ST6GALNAC6: variants seen among roughly 807,000 people sequenced by gnomAD.
ST6GALNAC6 encodes alpha-N-acetylgalactosaminide alpha-2,6-sialyltransferase 6.
A neutral mutation model predicts 34.3 loss-of-function variants in ST6GALNAC6; 19 were observed. The observed-to-expected ratio is 0.55, with a 90% CI of 0.39 to 0.81. ST6GALNAC6 has a LOEUF of 0.81. Ranked by LOEUF, ST6GALNAC6 falls within the 40% of genes least tolerant of loss-of-function variation. The pLI is 0.00. For missense variants in ST6GALNAC6, 377 were observed against 467.7 expected (o/e 0.81, Z 1.79); for synonymous variants, 185 against 182.1 (o/e 1.02, Z -0.13).
chr9:127,891,261 AAGAAACAGGTGGGG>A (rs1307672653), intron 4 of ST6GALNAC6, among the ~76,000 whole-genome samples: 16 of 152,206 alleles, frequency 1.1e-4, no homozygotes, highest in Admixed American at 2.0e-4. Flanking sequence ...TTCTGCCTTC[AAGAAACAGGTGGGG>A]AGACAGATAA....
chr9:127,889,010 G>A (rs1218974051), intron 5 of ST6GALNAC6, among the ~76,000 whole-genome samples: 2 of 152,184 alleles, frequency 1.3e-5, no homozygotes, highest in African/African-American at 4.8e-5. Context: ...TTATTTGCAT[G>A]TCACATGATT....
chr9:127,893,549 A>G (rs938913884), intron 4 of ST6GALNAC6, among the ~76,000 whole-genome samples: 4 of 152,106 alleles, frequency 2.6e-5, no homozygotes, highest in Admixed American at 2.6e-4. Flanking sequence ...TTACTCCAAG[A>G]TCCAGCAACA....
upstream of ST6GALNAC6, among the ~76,000 whole-genome samples, chr9:127,900,991 C>CAAAAAAAAAAAAAAAAAAAAAAAAAAAA (rs56673204): frequency 3.3e-5 from 2 of 60,986 alleles, no homozygotes; most frequent in African/African-American, 1.4e-4. Context: ...AACTCCCTAT[C>CAAAAAAAAAAAAAAAAAAAAAAAAAAAA]AAAAAAAAAA....
chr9:127,905,927 G>A (rs969038417), upstream of ST6GALNAC6: 65 of 985,114 alleles, frequency 6.6e-5, no homozygotes, highest in Non-Finnish European at 7.4e-5. Flanking sequence ...ACTCCATCCC[G>A]CCCTTACCTC....
upstream of ST6GALNAC6, chr9:127,906,119 C>T: frequency 1.3e-6 from 1 of 747,194 alleles, no homozygotes; most frequent in Non-Finnish European, 1.6e-6. Context: ...AGTGCCAGGT[C>T]TCAGCCCCCT....
intron 5 of ST6GALNAC6, among the ~76,000 whole-genome samples, chr9:127,888,441 T>C (rs1437820938): frequency 1.4e-5 from 2 of 146,230 alleles, no homozygotes; most frequent in Non-Finnish European, 3.0e-5. Context: ...GAGGTGGAAG[T>C]TGCAGTGAGC....
intron 1 of ST6GALNAC6, among the ~76,000 whole-genome samples, chr9:127,898,750 G>A (rs1292041314): frequency 2.0e-5 from 3 of 152,258 alleles, no homozygotes; most frequent in African/African-American, 7.2e-5. Context: ...GAGCTGCCCA[G>A]GGCTGAGCCT....
rs562361517 is a variant in ST6GALNAC6, at chr9:127,898,174, C to A, written c.-29-164G>T. On this transcript the variant is annotated intron_variant, in intron 1 of 6. Coordinates refer to ENST00000373146, the MANE Select transcript of ST6GALNAC6 (RefSeq NM_013443.5). ...CTTTGGGAGGCCGAGGTGGGCAGAT[C>A]ACTAGGTGAAGAGATCCAGACCAGC... is the stretch of plus-strand genomic sequence containing the variant. Among the ~76,000 whole-genome samples, 12 of 152,128 alleles carry A rather than the reference C, an allele frequency of 7.9e-5. No homozygotes were observed. The East Asian group carries it at 2.1e-3, about 27-fold the overall frequency.
At chr9:127,898,800 G>T (rs975590492) in intron 1 of ST6GALNAC6, among the ~76,000 whole-genome samples, 3 of 152,264 alleles carry the variant, frequency 2.0e-5, no homozygotes, top group Admixed American at 6.5e-5. Flanking sequence ...GCTGGAACGG[G>T]TCAGAGGCCA....
intron 1 of ST6GALNAC6, 21 bp from the exon 2 acceptor site, chr9:127,898,031 G>A (rs1426468164): frequency 2.5e-6 from 3 of 1,181,904 alleles, no homozygotes; most frequent in South Asian, 1.3e-5. Context: ...GGAACAATAA[G>A]AGTCGGTAAC....
intron 3 of ST6GALNAC6, among the ~76,000 whole-genome samples, chr9:127,895,510 T>C (rs1411447348): frequency 6.6e-6 from 1 of 152,216 alleles, no homozygotes; most frequent in African/African-American, 2.4e-5. Flanking sequence ...CAGTGGGCCA[T>C]AGCTGGGCCT....
chr9:127,905,241 CAG>C lies in ST6GALNAC6; in HGVS notation c.-113_-112del, dbSNP rs769666918. ...GCTGCAGGAACTGCTGTGGCAAAAG[CAG>C]AGAGTCTTCAGTTTCCTGATCAAGA... On this transcript the variant is annotated 5_prime_UTR_variant, in exon 1 of 6. Coordinates refer to the ST6GALNAC6 transcript ENST00000622357. The C allele has an allele frequency of 6.2e-5, 61 of 985,566 alleles. No homozygotes were observed. In the African/African-American group the frequency reaches 9.1e-4, roughly 15 times the overall value. 61.1% of individuals were successfully genotyped at this position (985,566 alleles called of 1,614,324 possible). A position where few individuals can be genotyped will look rare whatever the true frequency, so the allele number is the denominator to read the frequency against.
upstream of ST6GALNAC6, chr9:127,903,822 G>A (rs1459323734): frequency 4.0e-5 from 2 of 49,632 alleles, no homozygotes; most frequent in Admixed American, 2.7e-4. Flanking sequence ...CAGGGCGCTG[G>A]GGGCTGCACC....
upstream of ST6GALNAC6, among the ~76,000 whole-genome samples, chr9:127,900,715 G>A (rs547721054): frequency 1.3e-5 from 2 of 152,016 alleles, no homozygotes; most frequent in Admixed American, 1.3e-4. Flanking sequence ...ACTTTGGGAG[G>A]CTGAGGTGGG....
chr9:127,895,303 G>C (rs1830385057), intron 3 of ST6GALNAC6, among the ~76,000 whole-genome samples: 1 of 152,210 alleles, frequency 6.6e-6, no homozygotes. Flanking sequence ...CTCCTTCAGT[G>C]CACACGGCCT....
upstream of ST6GALNAC6, among the ~76,000 whole-genome samples, chr9:127,902,602 A>ATTATTATTT (rs1187585099): frequency 6.8e-6 from 1 of 146,710 alleles, no homozygotes; most frequent in Non-Finnish European, 1.5e-5. Context: ...TATTATTATT[A>ATTATTATTT]TTTTGAGACA....
chr9:127,899,939 C>T (rs1051394344), upstream of ST6GALNAC6, among the ~76,000 whole-genome samples: 1 of 152,236 alleles, frequency 6.6e-6, no homozygotes, highest in Non-Finnish European at 1.5e-5. Context: ...TCTACCTGGG[C>T]TCCCCACAGA....
intron 2 of ST6GALNAC6, chr9:127,897,357 G>C (rs1417822255): frequency 2.0e-6 from 2 of 985,868 alleles, no homozygotes; most frequent in African/African-American, 1.7e-5. Flanking sequence ...TGTATTCTCT[G>C]AGCCCTTTGA....
rs1184365823 is a variant in ST6GALNAC6, at chr9:127,886,484, T to TTGGC, written c.*111_*114dup. ...GGATACATCCTCCTCAAGGCCCTGA[T>TTGGC]TGGCTGGGAGACACTCCAGCAAGCC... On this transcript the variant is annotated 3_prime_UTR_variant, in exon 7 of 7. Coordinates refer to ENST00000373146, the MANE Select transcript of ST6GALNAC6 (RefSeq NM_013443.5). 1 of 1,490,620 alleles carries TTGGC rather than the reference T, an allele frequency of 6.7e-7. No homozygotes were observed. The highest frequency in any genetic ancestry group is 8.9e-7 in the Non-Finnish European group (1 of 1,120,134). 92.3% of individuals were successfully genotyped at this position (1,490,620 alleles called of 1,614,324 possible).
Sources: gnomAD v4.1 joint callset for allele counts (sites outside exome capture counted in the v4.1 genomes callset) on GRCh38, gnomAD v4.1.1 for gene constraint, MANE v1.5 for transcripts, NCBI Gene and HGNC (gene_info 2026-07-23, HGNC 2026-07-21) for gene names.